Variants in APBB1IP observed in about 807,000 individuals in gnomAD.
APBB1IP encodes the protein amyloid beta precursor protein binding family B member 1 interacting protein.
Under a neutral mutation model 64.9 loss-of-function variants are expected in APBB1IP, and 27 were observed. The ratio of observed to expected loss-of-function variants is 0.42; its 90% CI spans 0.31 to 0.57. The LOEUF (loss-of-function observed/expected upper bound fraction) is 0.57, where lower values mean the gene tolerates loss of function less well. APBB1IP is among the 20% of genes least tolerant of loss of function. APBB1IP has a pLI of 0.20. For synonymous variants in APBB1IP, 392 were observed against 331.0 expected (o/e 1.18, Z -2.00); for missense variants, 812 against 845.5 (o/e 0.96, Z 0.49).
chr10:26,455,761 T>C (rs1319599128), intron 2 of APBB1IP, among the ~76,000 whole-genome samples: 3 of 152,114 alleles, frequency 2.0e-5, no homozygotes, highest in South Asian at 4.1e-4. Flanking sequence ...AAAAGTTAAA[T>C]ACTTACAGAG....
intron 4 of APBB1IP, among the ~76,000 whole-genome samples, chr10:26,497,126 G>C (rs1356591529): frequency 6.6e-6 from 1 of 152,006 alleles, no homozygotes. Context: ...GCACTGAGCT[G>C]TGTTTCTGCC....
At chr10:26,483,092 T>TAAAAAAAAAAAAAAA (rs35069320) in intron 2 of APBB1IP, among the ~76,000 whole-genome samples, 1 of 67,182 alleles carries the variant, frequency 1.5e-5, no homozygotes, top group Non-Finnish European at 2.7e-5. Flanking sequence ...CTCCATCTGA[T>TAAAAAAAAAAAAAAA]AAAAAAAAAA....
chr10:26,484,777 A>G (rs569627291), intron 2 of APBB1IP, among the ~76,000 whole-genome samples: 79 of 152,304 alleles, frequency 5.2e-4, no homozygotes, highest in African/African-American at 1.8e-3. Context: ...TTAATTTAAT[A>G]CCATTCTGCT....
intron 2 of APBB1IP, among the ~76,000 whole-genome samples, chr10:26,486,859 A>G (rs1835898806): frequency 6.6e-6 from 1 of 152,230 alleles, no homozygotes; most frequent in Admixed American, 6.5e-5. Flanking sequence ...ATTAAGCATT[A>G]GGGAAAATTT....
intron 14 of APBB1IP, among the ~76,000 whole-genome samples, chr10:26,566,706 A>G (rs907514976): frequency 6.6e-6 from 1 of 152,018 alleles, no homozygotes. Flanking sequence ...AGAGACTCAC[A>G]TATCTATGGC....
intron 8 of APBB1IP, among the ~76,000 whole-genome samples, chr10:26,520,865 G>C (rs1214003371): frequency 6.6e-6 from 1 of 152,184 alleles, no homozygotes; most frequent in Non-Finnish European, 1.5e-5. Context: ...TAAAAGTAAA[G>C]TGGTTTGATC....
At chr10:26,532,592 T>C (rs1344808701) in intron 8 of APBB1IP, among the ~76,000 whole-genome samples, 1 of 152,108 alleles carries the variant, frequency 6.6e-6, no homozygotes, top group Non-Finnish European at 1.5e-5. Context: ...AGCAGTCCTC[T>C]AGCCTCAGCC....
chr10:26,486,462 C>T (rs917586549), intron 2 of APBB1IP, among the ~76,000 whole-genome samples: 2 of 152,122 alleles, frequency 1.3e-5, no homozygotes, highest in Non-Finnish European at 2.9e-5. Context: ...TGATATGTGA[C>T]TAATGGCCTT....
chr10:26,466,412 A>G (rs961192376), intron 2 of APBB1IP, among the ~76,000 whole-genome samples: 8 of 152,214 alleles, frequency 5.3e-5, no homozygotes, highest in African/African-American at 1.4e-4. Flanking sequence ...CATCACCATC[A>G]TTATCATTAC....
chr10:26,460,580 G>A (rs1279252575), intron 2 of APBB1IP, among the ~76,000 whole-genome samples: 1 of 152,100 alleles, frequency 6.6e-6, no homozygotes, highest in East Asian at 1.9e-4. Context: ...ACTGAATAAA[G>A]AAAATATGGT....
chr10:26,475,837 T>TTTTG (rs1218248460), intron 2 of APBB1IP, among the ~76,000 whole-genome samples: 2 of 152,174 alleles, frequency 1.3e-5, no homozygotes, highest in African/African-American at 4.8e-5. Context: ...CTTCTCTGTT[T>TTTTG]TTTGTTTGTT....
At chr10:26,543,396 G>A (rs975203152) in intron 11 of APBB1IP, among the ~76,000 whole-genome samples, 1 of 151,522 alleles carries the variant, frequency 6.6e-6, no homozygotes, top group African/African-American at 2.4e-5. Context: ...GAACCCGGGA[G>A]GCGGAGGTTG....
intron 2 of APBB1IP, among the ~76,000 whole-genome samples, chr10:26,490,551 G>A (rs1270800540): frequency 2.0e-5 from 3 of 152,142 alleles, no homozygotes; most frequent in Non-Finnish European, 2.9e-5. Flanking sequence ...CTTTAGCCCA[G>A]GAGGCGGAAG....
intron 6 of APBB1IP, among the ~76,000 whole-genome samples, chr10:26,503,499 G>C (rs1387708440): frequency 6.6e-6 from 1 of 152,150 alleles, no homozygotes; most frequent in Non-Finnish European, 1.5e-5. Context: ...GCTGGGCGTG[G>C]TGGCAGGTGC....
At chr10:26,440,917 CTCT>C (rs1286894272) in intron 2 of APBB1IP, among the ~76,000 whole-genome samples, 1 of 152,072 alleles carries the variant, frequency 6.6e-6, no homozygotes, top group African/African-American at 2.4e-5. Flanking sequence ...TCTTCTAATT[CTCT>C]TCAATTTTAT....
intron 2 of APBB1IP, among the ~76,000 whole-genome samples, chr10:26,465,729 G>A (rs754102867): frequency 2.0e-5 from 3 of 152,290 alleles, no homozygotes; most frequent in Middle Eastern, 3.4e-3. Flanking sequence ...TTCACCAGAT[G>A]TGTGTCCTTG....
intron 2 of APBB1IP, among the ~76,000 whole-genome samples, chr10:26,477,002 T>C (rs1490831005): frequency 2.0e-5 from 3 of 152,152 alleles, no homozygotes; most frequent in South Asian, 2.1e-4. Context: ...GGTTTCACCA[T>C]ATTGGCCAGG....
At chr10:26,510,371 T>C (rs1588594779) in intron 6 of APBB1IP, among the ~76,000 whole-genome samples, 1 of 152,156 alleles carries the variant, frequency 6.6e-6, no homozygotes, top group East Asian at 1.9e-4. Context: ...ACCTACAGAT[T>C]TGGAATGAGA....
At chr10:26,566,349 A>G (rs1381412963) in intron 14 of APBB1IP, among the ~76,000 whole-genome samples, 1 of 152,192 alleles carries the variant, frequency 6.6e-6, no homozygotes, top group East Asian at 1.9e-4. Context: ...CCACCTTCCA[A>G]GTTAAAACAA....
Sources: gnomAD v4.1 joint callset for allele counts (sites outside exome capture counted in the v4.1 genomes callset) on GRCh38, gnomAD v4.1.1 for gene constraint, MANE v1.5 for transcripts, NCBI Gene and HGNC (gene_info 2026-07-23, HGNC 2026-07-21) for gene names.